PLPPR1: variants seen among roughly 807,000 people sequenced by gnomAD.
PLPPR1 encodes phospholipid phosphatase-related protein type 1.
In PLPPR1, 10 loss-of-function variants were observed where a neutral mutation model predicts 33.1. The ratio of observed to expected loss-of-function variants is 0.30; its 90% CI spans 0.19 to 0.51. PLPPR1 has a LOEUF of 0.51. Among genes scored for constraint, PLPPR1 ranks in the 20% least tolerant of loss-of-function variants. The pLI is 0.97. For synonymous variants in PLPPR1, 151 were observed against 151.0 expected (o/e 1.00, Z 0.00); for missense variants, 304 against 408.1 (o/e 0.74, Z 2.20).
At chr9:101,050,877 C>T (rs1235937175) in intron 1 of PLPPR1, among the ~76,000 whole-genome samples, 1 of 152,178 alleles carries the variant, frequency 6.6e-6, no homozygotes, top group Non-Finnish European at 1.5e-5. Context: ...CCTTTCATCT[C>T]ATTGCCTCTG....
intron 4 of PLPPR1, among the ~76,000 whole-genome samples, chr9:101,300,670 G>T (rs1288878545): frequency 1.3e-5 from 2 of 152,142 alleles, no homozygotes; most frequent in Non-Finnish European, 2.9e-5. Context: ...AATCACAAAA[G>T]CCGAATTTGA....
At chr9:101,282,359 A>G (rs1057089300) in intron 3 of PLPPR1, among the ~76,000 whole-genome samples, 3 of 152,212 alleles carry the variant, frequency 2.0e-5, no homozygotes, top group Non-Finnish European at 4.4e-5. Context: ...AAAATTCAAT[A>G]TCCTTTTACG....
chr9:101,069,306 G>A (rs1830456777), intron 1 of PLPPR1, among the ~76,000 whole-genome samples: 3 of 152,050 alleles, frequency 2.0e-5, no homozygotes, highest in Admixed American at 6.6e-5. Context: ...AAAAATTAAG[G>A]CTGATAGAGG....
At chr9:101,123,256 GTTAGT>G (rs1831198715) in intron 1 of PLPPR1, among the ~76,000 whole-genome samples, 1 of 11,626 alleles carries the variant, frequency 8.6e-5, no homozygotes, top group African/African-American at 5.1e-4. Flanking sequence ...AGAACTATAA[GTTAGT>G]GTCTTGAAGA....
In PLPPR1 at chr9:101,317,437, G is replaced by C; in HGVS notation, c.886G>C (p.Gly296Arg). The change falls in exon 7 of 8, where the codon GGA (glycine) becomes CGA (arginine). Residue 296 changes from glycine (G) to arginine (R), a missense_variant. Physicochemically the swap from Gly to Arg is moderately radical, Grantham distance 125. Transcript: ENST00000374874. ...CAAACCCAAGCCTGAGGATCCCCGT[G>C]GAGTACCCCTAATGGCTTTCCCAAG... Reference protein sequence around the residue: ...PSKPKPEDPRGVPLMAFPRIE... With the variant: ...PSKPKPEDPRRVPLMAFPRIE... 6.2e-7 allele frequency: 1 copy of C among 1,613,964 alleles called. No individual in the cohort carries two copies. Among genetic ancestry groups the C allele is most frequent in the Non-Finnish European group, 8.5e-7 (1 of 1,179,908 alleles).
intron 1 of PLPPR1, among the ~76,000 whole-genome samples, chr9:101,180,665 T>C (rs1311930001): frequency 2.8e-5 from 4 of 142,310 alleles, no homozygotes; most frequent in Admixed American, 7.0e-5. Context: ...ATAAATGGTG[T>C]TGGGAAAACT....
At chr9:101,207,213 C>G (rs1826605418) in intron 2 of PLPPR1, among the ~76,000 whole-genome samples, 1 of 151,876 alleles carries the variant, frequency 6.6e-6, no homozygotes, top group South Asian at 2.1e-4. Flanking sequence ...GTAGATAAAC[C>G]TTTAAAAAAA....
chr9:101,096,046 A>G (rs1009104772), intron 1 of PLPPR1, among the ~76,000 whole-genome samples: 3 of 152,146 alleles, frequency 2.0e-5, no homozygotes, highest in Non-Finnish European at 4.4e-5. Context: ...AAATCCAGTA[A>G]AAGCCTTACA....
At chr9:101,249,984 T>C (rs554290675) in intron 2 of PLPPR1, among the ~76,000 whole-genome samples, 4 of 152,194 alleles carry the variant, frequency 2.6e-5, no homozygotes, top group African/African-American at 9.6e-5. Flanking sequence ...GTTCAACCGA[T>C]ATTTTTTGCA....
chr9:101,311,888 AACT>A (rs1828963438), intron 5 of PLPPR1, among the ~76,000 whole-genome samples: 1 of 152,188 alleles, frequency 6.6e-6, no homozygotes, highest in Non-Finnish European at 1.5e-5. Context: ...GGTGTTTTGT[AACT>A]ACTACCAAAG....
chr9:101,197,829 G>A (rs888040334), intron 2 of PLPPR1, among the ~76,000 whole-genome samples: 8 of 152,194 alleles, frequency 5.3e-5, no homozygotes, highest in Admixed American at 2.0e-4. Context: ...GACTGGTTAT[G>A]TCTTCTGCAA....
intron 1 of PLPPR1, among the ~76,000 whole-genome samples, chr9:101,127,324 G>A (rs754472922): frequency 2.0e-5 from 3 of 152,164 alleles, no homozygotes; most frequent in Non-Finnish European, 2.9e-5. Context: ...AACGAAGTCC[G>A]GCGGAGTCTA....
intron 1 of PLPPR1, among the ~76,000 whole-genome samples, chr9:101,094,447 C>A (rs1830788828): frequency 6.6e-6 from 1 of 152,116 alleles, no homozygotes; most frequent in African/African-American, 2.4e-5. Context: ...CTCTGGAGCA[C>A]ACCCACCTCA....
At chr9:101,102,308 A>C in intron 1 of PLPPR1, among the ~76,000 whole-genome samples, 9 of 95,636 alleles carry the variant, frequency 9.4e-5, no homozygotes, top group Admixed American at 4.5e-4. Flanking sequence ...CCCCGACCCC[A>C]CCACAGTCCC....
intron 1 of PLPPR1, among the ~76,000 whole-genome samples, chr9:101,046,156 G>A (rs972207539): frequency 2.0e-5 from 3 of 152,172 alleles, no homozygotes; most frequent in Non-Finnish European, 4.4e-5. Context: ...CCATTGCTGT[G>A]TGTGGACTTC....
chr9:101,318,263 A>G (rs1342900428), intron 7 of PLPPR1, among the ~76,000 whole-genome samples: 1 of 151,536 alleles, frequency 6.6e-6, no homozygotes, highest in East Asian at 1.9e-4. Flanking sequence ...AAAGTGCTGT[A>G]TGAATACAAA....
At chr9:101,191,939 A>G (rs921268223) in intron 2 of PLPPR1, among the ~76,000 whole-genome samples, 5 of 152,200 alleles carry the variant, frequency 3.3e-5, no homozygotes, top group Non-Finnish European at 7.3e-5. Context: ...TCATACTTGC[A>G]ATTTTTATTG....
At chr9:101,246,179 A>G (rs1045232310) in intron 2 of PLPPR1, among the ~76,000 whole-genome samples, 1 of 150,004 alleles carries the variant, frequency 6.7e-6, no homozygotes, top group African/African-American at 2.4e-5. Flanking sequence ...AAAAGTCTCA[A>G]TATCTCCAGA....
At chr9:101,083,999 T>C (rs1259256510) in intron 1 of PLPPR1, among the ~76,000 whole-genome samples, 1 of 152,192 alleles carries the variant, frequency 6.6e-6, no homozygotes, top group Non-Finnish European at 1.5e-5. Flanking sequence ...AGATAAATTG[T>C]GTTTGGCCTG....
Sources: gnomAD v4.1 joint callset for allele counts (sites outside exome capture counted in the v4.1 genomes callset) on GRCh38, gnomAD v4.1.1 for gene constraint, MANE v1.5 for transcripts, NCBI Gene and HGNC (gene_info 2026-07-23, HGNC 2026-07-21) for gene names.